HSP90AA1: variants seen among roughly 807,000 people sequenced by gnomAD.
The protein encoded by HSP90AA1 is heat shock protein HSP 90-alpha.
A neutral mutation model predicts 73.3 loss-of-function variants in HSP90AA1; 18 were observed. The observed-to-expected ratio is 0.25, with a 90% CI of 0.17 to 0.36. The LOEUF is 0.36. Among genes scored for constraint, HSP90AA1 ranks in the 10% least tolerant of loss-of-function variants. The probability of loss-of-function intolerance (pLI) is 1.00; values close to 1 mark genes in which losing one functional copy is unlikely to be tolerated. For synonymous variants in HSP90AA1, 477 were observed against 296.9 expected, an observed-to-expected ratio of 1.61 and a Z score of -6.24; for missense variants, 704 against 874.2, an observed-to-expected ratio of 0.81 and a Z score of 2.45.
upstream of HSP90AA1, chr14:102,087,215 G>C: frequency 4.2e-6 from 4 of 959,608 alleles, no homozygotes; most frequent in Non-Finnish European, 5.0e-6. Context: ...CTTCCTGCGG[G>C]CGCGCGCAGG....
chr14:102,084,913 T>C lies in HSP90AA1; in HGVS notation c.749A>G (p.Lys250Arg), dbSNP rs2049187210. The C allele has an allele frequency of 7.6e-6, 12 of 1,581,492 alleles. No individual in the cohort carries two copies. Among genetic ancestry groups the C allele is most frequent in the East Asian group, 2.2e-5 (1 of 44,724 alleles). ...AATTTCAGGTTTGTCTTCCGACTCT[T>C]TCTCTTCTTTTTCTTTTTCTTCTTC... ...DKEEEKEKEEKESEDKPEIED... is the reference protein window; with the variant it reads ...DKEEEKEKEERESEDKPEIED... Residue 250 changes from lysine (K) to arginine (R), a missense_variant, in exon 5 of 11, where the codon AAA (lysine) becomes AGA (arginine). Lys to Arg is a conservative substitution (Grantham distance 26, BLOSUM62 2). Coordinates refer to ENST00000216281, the MANE Select transcript of HSP90AA1 (RefSeq NM_005348.4).
upstream of HSP90AA1, among the ~76,000 whole-genome samples, chr14:102,090,068 G>C (rs138625073): frequency 9.7e-3 from 1,474 of 152,260 alleles, 32 homozygotes; most frequent in African/African-American, 0.034. Flanking sequence ...AGGCCTGTGA[G>C]GCCCTGCAGG....
exon 1 of HSP90AA1, chr14:102,139,283 G>A: frequency 1.2e-6 from 2 of 1,614,080 alleles, no homozygotes; most frequent in Non-Finnish European, 1.7e-6. Flanking sequence ...GGCTTCAGAG[G>A]GGCTTCCTGG....
chr14:102,122,001 C>G (rs2049783511), intron 1 of HSP90AA1, among the ~76,000 whole-genome samples: 2 of 152,078 alleles, frequency 1.3e-5, no homozygotes, highest in African/African-American at 4.8e-5. Flanking sequence ...GAATTTTGGG[C>G]TATGTTTAGA....
intron 1 of HSP90AA1, among the ~76,000 whole-genome samples, chr14:102,136,391 A>T (rs989112364): frequency 6.6e-5 from 10 of 150,966 alleles, no homozygotes; most frequent in African/African-American, 2.4e-4. Flanking sequence ...ACATGGCGAA[A>T]CCCCGTCTCT....
rs930372755 is a variant in HSP90AA1, at chr14:102,122,246, C to T, written c.155+17004G>A. Among the ~76,000 whole-genome samples, 59 of 148,694 alleles carry T rather than the reference C, an allele frequency of 4.0e-4. 2 individuals are homozygous for T. Among genetic ancestry groups the T allele is most frequent in the Non-Finnish European group, 3.0e-5 (2 of 67,470 alleles). ...ATTTTTATTGGGGTCTAATTCTGTA[C>T]TTATTCCATTTTAGGAAAAGGATCT... On this transcript the variant is annotated intron_variant, in intron 1 of 11. Transcript: ENST00000334701.
intron 2 of HSP90AA1, among the ~76,000 whole-genome samples, chr14:102,094,847 G>A (rs950418857): frequency 9.2e-5 from 14 of 152,282 alleles, no homozygotes; most frequent in East Asian, 3.9e-4. Flanking sequence ...CACTCTGACC[G>A]TGGTGTGTAG....
At chr14:102,105,325 AGCTCACT>A (rs1486776934) in intron 1 of HSP90AA1, among the ~76,000 whole-genome samples, 1 of 151,856 alleles carries the variant, frequency 6.6e-6, no homozygotes, top group Non-Finnish European at 1.5e-5. Flanking sequence ...TCGTCCTGGG[AGCTCACT>A]GTTGGAAAGA....
At chr14:102,113,037 T>G (rs1336029577) in intron 1 of HSP90AA1, among the ~76,000 whole-genome samples, 2 of 152,144 alleles carry the variant, frequency 1.3e-5, no homozygotes, top group East Asian at 3.8e-4. Context: ...TTTATTTATT[T>G]TTTTGAGATG....
chr14:102,117,373 C>G (rs1318411698), intron 1 of HSP90AA1, among the ~76,000 whole-genome samples: 1 of 152,060 alleles, frequency 6.6e-6, no homozygotes, highest in African/African-American at 2.4e-5. Flanking sequence ...CTTATGGCCA[C>G]CCATGGACCA....
intron 1 of HSP90AA1, among the ~76,000 whole-genome samples, chr14:102,108,267 A>AAG (rs1258353199): frequency 6.7e-6 from 1 of 149,342 alleles, no homozygotes; most frequent in East Asian, 2.0e-4. Context: ...TGTCTCCAAA[A>AAG]AAAAAAAAAA....
intron 1 of HSP90AA1, among the ~76,000 whole-genome samples, chr14:102,118,344 G>C (rs2049732707): frequency 6.6e-6 from 1 of 151,956 alleles, no homozygotes. Flanking sequence ...TTCAAATTTT[G>C]TGTCATATTA....
In HSP90AA1 at chr14:102,084,619, T is replaced by A. The variant is rs546726651; in HGVS notation, c.982-55A>T. 148 of 1,614,160 alleles carry A rather than the reference T, an allele frequency of 9.2e-5. No homozygotes were observed. In the African/African-American group the frequency reaches 1.3e-3, roughly 14 times the overall value. On this transcript the variant is annotated intron_variant, in intron 5 of 10. Coordinates refer to ENST00000216281, the MANE Select transcript of HSP90AA1 (RefSeq NM_005348.4). Reference sequence around the variant, plus strand: ...ATGAACAATGCATTATAGAAGATATTTGGGGTGGTGGAGAAAGATGATAAT... The same window carrying A: ...ATGAACAATGCATTATAGAAGATATATGGGGTGGTGGAGAAAGATGATAAT...
intron 1 of HSP90AA1, among the ~76,000 whole-genome samples, chr14:102,136,548 G>C (rs1447919879): frequency 9.2e-6 from 1 of 108,148 alleles, no homozygotes; most frequent in African/African-American, 3.9e-5. Flanking sequence ...CAGCCTGGGC[G>C]ACAGAGTGAG....
At position 102,109,475 on chromosome 14, in the gene HSP90AA1, A is replaced by G. The variant is rs562188293; in HGVS notation, c.156-7390T>C. Among the ~76,000 whole-genome samples the G allele has an allele frequency of 3.1e-3, 475 of 152,244 alleles. 5 individuals are homozygous for G. Among genetic ancestry groups the G allele is most frequent in the Admixed American group, 8.0e-3 (123 of 15,284 alleles). ...AGGCTCACAAGATCTGATGGTTTTA[A>G]AAATGGGAGTTTCCCTGCACAAGCT... On this transcript the variant is annotated intron_variant, in intron 1 of 11. Coordinates refer to the HSP90AA1 transcript ENST00000334701.
At chr14:102,139,456 G>A (rs1168219045) in exon 1 of HSP90AA1, 2 of 1,484,854 alleles carry the variant, frequency 1.3e-6, no homozygotes, top group Non-Finnish European at 1.8e-6. Flanking sequence ...GGTGGCCGTC[G>A]GGGTGGCGCT....
In HSP90AA1 at chr14:102,084,938, CTTT is replaced by C. The variant is rs3832931; in HGVS notation, c.721_723del (p.Lys241del). 1,811 of 1,597,000 alleles carry C rather than the reference CTTT, an allele frequency of 1.1e-3. 39 individuals are homozygous for C. The East Asian group carries it at 0.026, about 23-fold the overall frequency. Reference sequence around the variant, plus strand: ...TTCTCTTCTTTTTCTTTTTCTTCTTCTTTGTCTTCCTTTTCTTCAGCCTCATCA... The same window carrying C: ...TTCTCTTCTTTTTCTTTTTCTTCTTCGTCTTCCTTTTCTTCAGCCTCATCA... On this transcript the variant is annotated inframe_deletion, in exon 5 of 11. Transcript: ENST00000216281.
chr14:102,096,811 T>A (rs1449830727), intron 2 of HSP90AA1, among the ~76,000 whole-genome samples: 1 of 152,182 alleles, frequency 6.6e-6, no homozygotes, highest in Admixed American at 6.5e-5. Context: ...GTTGGAAATG[T>A]CTTTGAAGTT....
At chr14:102,135,149 G>C (rs950014400) in intron 1 of HSP90AA1, among the ~76,000 whole-genome samples, 1 of 151,340 alleles carries the variant, frequency 6.6e-6, no homozygotes, top group Non-Finnish European at 1.5e-5. Context: ...GTGCCGATTG[G>C]TGTATTTACA....
Sources: gnomAD v4.1 joint callset for allele counts (sites outside exome capture counted in the v4.1 genomes callset) on GRCh38, gnomAD v4.1.1 for gene constraint, MANE v1.5 for transcripts, NCBI Gene and HGNC (gene_info 2026-07-23, HGNC 2026-07-21) for gene names.